The following RIMS1 variants were observed in gnomAD, a reference collection of about 807,000 sequenced individuals.
RIMS1 encodes the protein regulating synaptic membrane exocytosis 1.
A neutral mutation model predicts 214.1 loss-of-function variants in RIMS1; 83 were observed. That is an observed-to-expected ratio of 0.39 (90% CI 0.32 to 0.47). RIMS1 has a LOEUF of 0.47. Ranked by LOEUF, RIMS1 falls within the 20% of genes least tolerant of loss-of-function variation. RIMS1 has a pLI of 0.99. For missense variants in RIMS1, 2,050 were observed against 2,161.8 expected (o/e 0.95, Z 1.03); for synonymous variants, 793 against 786.8 (o/e 1.01, Z -0.13).
intron 4 of RIMS1, among the ~76,000 whole-genome samples, chr6:72,106,764 T>A (rs2034832985): frequency 1.3e-5 from 2 of 152,210 alleles, no homozygotes; most frequent in African/African-American, 4.8e-5. Flanking sequence ...CCCTAAAAAA[T>A]ATATCTTCTG....
chr6:72,296,335 T>C (rs1241540058), intron 26 of RIMS1, among the ~76,000 whole-genome samples: 1 of 152,006 alleles, frequency 6.6e-6, no homozygotes, highest in African/African-American at 2.4e-5. Context: ...TTCAGGGTAA[T>C]ACCTGGTAAA....
At chr6:72,066,292 G>A (rs1174265514) in intron 2 of RIMS1, among the ~76,000 whole-genome samples, 1 of 152,110 alleles carries the variant, frequency 6.6e-6, no homozygotes, top group African/African-American at 2.4e-5. Flanking sequence ...TGGCAGATTG[G>A]ACCTATTATG....
At chr6:72,100,679 T>G (rs763045324) in intron 4 of RIMS1, among the ~76,000 whole-genome samples, 2 of 151,922 alleles carry the variant, frequency 1.3e-5, no homozygotes, top group Non-Finnish European at 2.9e-5. Context: ...TACACCTTCA[T>G]TTGGTATGAA....
intron 29 of RIMS1, among the ~76,000 whole-genome samples, chr6:72,349,055 C>A (rs2097360412): frequency 6.6e-6 from 1 of 151,874 alleles, no homozygotes; most frequent in Non-Finnish European, 1.5e-5. Flanking sequence ...TTCAAGTAAG[C>A]TAGTGAATTC....
intron 23 of RIMS1, among the ~76,000 whole-genome samples, chr6:72,282,035 GATGA>G (rs992037516): frequency 2.6e-5 from 4 of 151,754 alleles, no homozygotes; most frequent in African/African-American, 9.7e-5. Context: ...GTGTTTGTTG[GATGA>G]ATGAATGAAT....
At chr6:72,038,709 G>A (rs752624068) in intron 2 of RIMS1, among the ~76,000 whole-genome samples, 1 of 152,246 alleles carries the variant, frequency 6.6e-6, no homozygotes, top group Non-Finnish European at 1.5e-5. Context: ...TGCATATTTT[G>A]TTCCTCAAAG....
intron 1 of RIMS1, among the ~76,000 whole-genome samples, chr6:71,910,877 T>C (rs1052482446): frequency 6.6e-6 from 1 of 152,104 alleles, no homozygotes; most frequent in African/African-American, 2.4e-5. Flanking sequence ...GGAGAAGAAC[T>C]TGGGGAGAGT....
chr6:71,950,924 T>A (rs772528113), intron 1 of RIMS1, among the ~76,000 whole-genome samples: 2 of 152,204 alleles, frequency 1.3e-5, no homozygotes, highest in Non-Finnish European at 2.9e-5. Context: ...TTACGTATTT[T>A]ATTGGGCTGC....
intron 2 of RIMS1, among the ~76,000 whole-genome samples, chr6:72,013,903 C>G (rs1201967745): frequency 6.6e-6 from 1 of 152,114 alleles, no homozygotes; most frequent in African/African-American, 2.4e-5. Context: ...TACACCTAAT[C>G]CTTGGTAACC....
At chr6:72,334,749 A>G (rs557372608) in intron 29 of RIMS1, among the ~76,000 whole-genome samples, 1 of 152,040 alleles carries the variant, frequency 6.6e-6, no homozygotes, top group South Asian at 2.1e-4. Context: ...CTCACTCAGC[A>G]TTCTGGAAAG....
At chr6:71,906,538 C>T (rs1224462599) in intron 1 of RIMS1, among the ~76,000 whole-genome samples, 2 of 152,154 alleles carry the variant, frequency 1.3e-5, no homozygotes, top group East Asian at 3.9e-4. Flanking sequence ...ACAAAGTTAA[C>T]TATTATTACA....
At chr6:72,061,734 G>A (rs1489890793) in intron 2 of RIMS1, among the ~76,000 whole-genome samples, 1 of 152,146 alleles carries the variant, frequency 6.6e-6, no homozygotes, top group African/African-American at 2.4e-5. Flanking sequence ...CGCCAAAGGT[G>A]GTCAATGTAT....
At chr6:72,015,061 T>C (rs562950802) in intron 2 of RIMS1, among the ~76,000 whole-genome samples, 1 of 152,342 alleles carries the variant, frequency 6.6e-6, no homozygotes, top group African/African-American at 2.4e-5. Context: ...TTTTTTATTT[T>C]GGAATATTTG....
chr6:72,116,121 T>C (rs953665049), intron 4 of RIMS1, among the ~76,000 whole-genome samples: 1 of 151,990 alleles, frequency 6.6e-6, no homozygotes, highest in African/African-American at 2.4e-5. Flanking sequence ...CAGTGAATGC[T>C]AGAGAATCTG....
In RIMS1 at chr6:72,291,310, C is replaced by T. The variant is rs1215115694; in HGVS notation, c.3737+449C>T. 5.3e-5 allele frequency among the ~76,000 whole-genome samples: 8 copies of T among 152,170 alleles called. No homozygotes were observed. The East Asian group carries it at 1.2e-3, about 22-fold the overall frequency. On this transcript the variant is annotated intron_variant, in intron 25 of 33. Coordinates refer to ENST00000521978, the MANE Select transcript of RIMS1 (RefSeq NM_014989.7). ...GTTTAAATGCCAACAGATGGAAGTC[C>T]GCTTAATCCTGGGCAGTAGTAATAT... is the stretch of plus-strand genomic sequence containing the variant.
rs2154099706 is a variant in RIMS1, at chr6:72,237,940, A to G, written c.1957+18A>G. 1 of 1,562,548 alleles carries G rather than the reference A, an allele frequency of 6.4e-7. No homozygotes were observed. Among genetic ancestry groups the G allele is most frequent in the Non-Finnish European group, 8.8e-7 (1 of 1,141,352 alleles). On this transcript the variant is annotated intron_variant, in intron 9 of 33. Coordinates refer to ENST00000521978, the MANE Select transcript of RIMS1 (RefSeq NM_014989.7). Reference sequence around the variant, plus strand: ...AAGAGCAGGTAAAGTTTCTTTTTTTAATATTTAAACAGTGTGTTCTCCATG... The same window carrying G: ...AAGAGCAGGTAAAGTTTCTTTTTTTGATATTTAAACAGTGTGTTCTCCATG...
chr6:72,372,958 A>G (rs2098265592), intron 29 of RIMS1, among the ~76,000 whole-genome samples: 1 of 152,248 alleles, frequency 6.6e-6, no homozygotes, highest in South Asian at 2.1e-4. Flanking sequence ...TTTCATAATA[A>G]GACAATTCTT....
chr6:72,143,195 A>C (rs890864967), intron 4 of RIMS1, among the ~76,000 whole-genome samples: 1 of 152,214 alleles, frequency 6.6e-6, no homozygotes, highest in Admixed American at 6.5e-5. Flanking sequence ...TATTTATCTC[A>C]AGACTATGAG....
chr6:71,901,109 A>C (rs937414176), intron 1 of RIMS1, among the ~76,000 whole-genome samples: 5 of 152,090 alleles, frequency 3.3e-5, no homozygotes, highest in African/African-American at 1.2e-4. Context: ...AACAAGGAAG[A>C]CTGGAATCAC....
Sources: allele counts gnomAD v4.1 joint callset (sites outside exome capture counted in the v4.1 genomes callset), GRCh38; gene constraint gnomAD v4.1.1; transcripts MANE v1.5; gene names NCBI Gene and HGNC (gene_info 2026-07-23, HGNC 2026-07-21).